KLHDC10: variants seen among roughly 807,000 people sequenced by gnomAD.
KLHDC10 encodes kelch domain-containing protein 10.
A neutral mutation model predicts 56.1 loss-of-function variants in KLHDC10; 24 were observed. That is an observed-to-expected ratio of 0.43 (90% CI 0.31 to 0.60). The LOEUF is 0.60. Among genes scored for constraint, KLHDC10 ranks in the 20% least tolerant of loss-of-function variants. KLHDC10 has a pLI of 0.11. For missense variants in KLHDC10, 349 were observed against 567.0 expected (o/e 0.62, Z 3.91); for synonymous variants, 188 against 207.1 (o/e 0.91, Z 0.79).
rs549376838 is a variant in KLHDC10 at position 130,083,453 on chromosome 7, A to G, written c.166+12644A>G. Among the ~76,000 whole-genome samples, 40 of 152,318 alleles carry G rather than the reference A, an allele frequency of 2.6e-4. 1 individual carries two copies. The South Asian group carries it at 8.1e-3, about 31-fold the overall frequency. On this transcript the variant is annotated intron_variant, in intron 1 of 9. Coordinates refer to ENST00000335420, the MANE Select transcript of KLHDC10 (RefSeq NM_014997.4). ...TCAGTTAGTTGCCTTAAATTCTTGGAACAAGGTAGGTTGAGAGGAGAGATT... is the reference window on the plus strand; with the variant it reads ...TCAGTTAGTTGCCTTAAATTCTTGGGACAAGGTAGGTTGAGAGGAGAGATT...
chr7:130,085,747 T>C (rs1795679600), intron 1 of KLHDC10, among the ~76,000 whole-genome samples: 1 of 144,824 alleles, frequency 6.9e-6, no homozygotes, highest in Non-Finnish European at 1.5e-5. Flanking sequence ...GACATGAGAA[T>C]CGCTTGAACC....
intron 1 of KLHDC10, among the ~76,000 whole-genome samples, chr7:130,084,542 C>T (rs1412968538): frequency 6.6e-6 from 1 of 151,810 alleles, no homozygotes; most frequent in Non-Finnish European, 1.5e-5. Context: ...GGGAGGGAGG[C>T]CAAGGTGGGT....
At chr7:130,096,897 T>A (rs377419060) in intron 1 of KLHDC10, 24 bp from the exon 2 acceptor site, 6 of 1,557,134 alleles carry the variant, frequency 3.9e-6, no homozygotes, top group Non-Finnish European at 5.3e-6. Flanking sequence ...GTGTCTGACT[T>A]ATTGCTGATA....
intron 2 of KLHDC10, among the ~76,000 whole-genome samples, chr7:130,098,371 T>C (rs545292310): frequency 2.5e-4 from 38 of 152,244 alleles, no homozygotes; most frequent in Non-Finnish European, 3.8e-4. Flanking sequence ...TACACACTTA[T>C]AGTCGCAGCT....
chr7:130,095,199 G>A (rs1795831960), intron 1 of KLHDC10, among the ~76,000 whole-genome samples: 1 of 151,554 alleles, frequency 6.6e-6, no homozygotes, highest in Non-Finnish European at 1.5e-5. Flanking sequence ...TCATAAACCT[G>A]TACATTAAAA....
chr7:130,089,353 G>A (rs1021686162), intron 1 of KLHDC10, among the ~76,000 whole-genome samples: 1 of 152,098 alleles, frequency 6.6e-6, no homozygotes, highest in African/African-American at 2.4e-5. Flanking sequence ...TCCCTATTGG[G>A]AGACAGAAGC....
At chr7:130,072,896 C>T (rs951269352) in intron 1 of KLHDC10, among the ~76,000 whole-genome samples, 2 of 151,972 alleles carry the variant, frequency 1.3e-5, no homozygotes, top group Non-Finnish European at 2.9e-5. Flanking sequence ...GCTGAAATTA[C>T]AGGCGCCCAC....
chr7:130,110,270 T>C (rs552074373), intron 2 of KLHDC10, among the ~76,000 whole-genome samples: 1 of 152,356 alleles, frequency 6.6e-6, no homozygotes, highest in South Asian at 2.1e-4. Flanking sequence ...TGTCTGTCCA[T>C]GGGACTTTTT....
intron 2 of KLHDC10, among the ~76,000 whole-genome samples, chr7:130,108,396 A>G (rs1037749499): frequency 5.3e-5 from 8 of 151,942 alleles, no homozygotes; most frequent in Admixed American, 2.0e-4. Context: ...AAATTGCAAA[A>G]ATGGTAGAAA....
rs1054072538 is a variant in KLHDC10, at chr7:130,128,890, ATATATATATATATAT to A, written c.980-546_980-532del. Among the ~76,000 whole-genome samples, 4 of 44,984 alleles carry A rather than the reference ATATATATATATATAT, an allele frequency of 8.9e-5. 1 individual carries two copies. Among genetic ancestry groups the A allele is most frequent in the African/African-American group, 2.7e-4 (3 of 11,056 alleles). The allele number at this position is 44,984 out of a possible 152,430, so 29.5% of individuals were successfully genotyped here. ...CCTTGTCTCTTAAAAAAAAAAAAAAATATATATATATATATATATATATATATATACATACTAGCC... is the reference window on the plus strand; with the variant it reads ...CCTTGTCTCTTAAAAAAAAAAAAAAAATATATATATATATACATACTAGCC... On this transcript the variant is annotated intron_variant, in intron 8 of 9. Coordinates refer to ENST00000335420, the MANE Select transcript of KLHDC10 (RefSeq NM_014997.4).
rs1460036237 is a variant in KLHDC10, at chr7:130,125,739, GC to G, written c.865-125del. The G allele has an allele frequency of 7.2e-6, 5 of 694,820 alleles. No individual in the cohort carries two copies. In the African/African-American group the frequency reaches 9.3e-5, roughly 13 times the overall value. 43.0% of individuals were successfully genotyped at this position (694,820 alleles called of 1,614,324 possible). A position where few individuals can be genotyped will look rare whatever the true frequency, so the allele number is the denominator to read the frequency against. ...TGTATGGAAAATCACTGTACCTTCT[GC>G]TCAGTTTTGCTGTGAACTGAAAACT... On this transcript the variant is annotated intron_variant, in intron 6 of 9. Transcript: ENST00000335420.
Position 130,070,779 on chromosome 7 carries a change from G to A in KLHDC10, c.136G>A (p.Val46Met). 4 of 1,307,538 alleles carry A rather than the reference G, an allele frequency of 3.1e-6. No individual in the cohort carries two copies. 81.0% of individuals were successfully genotyped at this position (1,307,538 alleles called of 1,614,324 possible). A position where few individuals can be genotyped will look rare whatever the true frequency, so the allele number is the denominator to read the frequency against. ...GRGTGQLNRFVQLSGRPHLPG... is the reference protein window; with the variant it reads ...GRGTGQLNRFMQLSGRPHLPG... ...GGGGACTGGCCAGCTCAACCGCTTC[G>A]TGCAACTCTCCGGGCGGCCGCACCT... The change falls in exon 1 of 10, where the codon GTG becomes ATG. Residue 46 changes from valine to methionine, a missense_variant. Physicochemically the swap from Val to Met is conservative, Grantham distance 21. Coordinates refer to ENST00000335420, the MANE Select transcript of KLHDC10 (RefSeq NM_014997.4).
In KLHDC10 at chr7:130,077,743, G is replaced by C. The variant is rs574326128; in HGVS notation, c.166+6934G>C. On this transcript the variant is annotated intron_variant, in intron 1 of 9. Coordinates refer to ENST00000335420, the MANE Select transcript of KLHDC10 (RefSeq NM_014997.4). Reference sequence around the variant, plus strand: ...GCTAATTTTTTGTAGTTTTAGTAGAGATGGGGTTTCACCATGTTAGCCAGG... The same window carrying C: ...GCTAATTTTTTGTAGTTTTAGTAGACATGGGGTTTCACCATGTTAGCCAGG... Among the ~76,000 whole-genome samples, 93 of 151,738 alleles carry C rather than the reference G, an allele frequency of 6.1e-4. 1 individual carries two copies. In the South Asian group the frequency reaches 8.1e-3, roughly 13 times the overall value.
intron 2 of KLHDC10, among the ~76,000 whole-genome samples, chr7:130,099,732 G>A (rs1795903443): frequency 6.6e-6 from 1 of 152,252 alleles, no homozygotes; most frequent in Non-Finnish European, 1.5e-5. Context: ...CACCACCCAA[G>A]TGGAGTTTTC....
At chr7:130,118,160 G>A (rs1480676227) in intron 3 of KLHDC10, among the ~76,000 whole-genome samples, 1 of 152,006 alleles carries the variant, frequency 6.6e-6, no homozygotes, top group Admixed American at 6.6e-5. Context: ...GGCAATAAGA[G>A]TGAGACTCCG....
chr7:130,092,684 T>G (rs1460897497), intron 1 of KLHDC10, among the ~76,000 whole-genome samples: 5 of 152,248 alleles, frequency 3.3e-5, no homozygotes, highest in Admixed American at 1.3e-4. Flanking sequence ...TGTTCCCATC[T>G]GGGAGCAAAT....
intron 7 of KLHDC10, 88 bp from the exon 8 acceptor site, chr7:130,127,316 C>A: frequency 1.9e-6 from 2 of 1,029,882 alleles, no homozygotes; most frequent in Non-Finnish European, 3.1e-6. Flanking sequence ...TTTTGAGTTA[C>A]ACGTAGTGTG....
chr7:130,093,224 A>G (rs1563099512), intron 1 of KLHDC10, among the ~76,000 whole-genome samples: 1 of 152,046 alleles, frequency 6.6e-6, no homozygotes, highest in Non-Finnish European at 1.5e-5. Context: ...ATTTTTGTGG[A>G]GACAGAGTCT....
chr7:130,071,122 G>A (rs181979005), intron 1 of KLHDC10, among the ~76,000 whole-genome samples: 7 of 152,148 alleles, frequency 4.6e-5, no homozygotes, highest in Admixed American at 4.6e-4. Context: ...TTCCCCTTCC[G>A]CAGTTTGATC....
Sources: gnomAD v4.1 joint callset for allele counts (sites outside exome capture counted in the v4.1 genomes callset) on GRCh38, gnomAD v4.1.1 for gene constraint, MANE v1.5 for transcripts, NCBI Gene and HGNC (gene_info 2026-07-23, HGNC 2026-07-21) for gene names.